The following CNGB1 variants were observed in gnomAD, a reference collection of about 807,000 sequenced individuals.
CNGB1 encodes the protein cyclic nucleotide-gated channel beta-1.
In CNGB1, 126 loss-of-function variants were observed where a neutral mutation model predicts 151.7. The ratio of observed to expected loss-of-function variants is 0.83; its 90% CI spans 0.72 to 0.96. The LOEUF (loss-of-function observed/expected upper bound fraction) is 0.96. CNGB1 is among the 40% of genes least tolerant of loss of function. CNGB1 has a pLI of 0.00. For synonymous variants in CNGB1, 623 were observed against 635.1 expected, an observed-to-expected ratio of 0.98 and a Z score of 0.29; for missense variants, 1,698 against 1,627.0, an observed-to-expected ratio of 1.04 and a Z score of -0.75.
At chr16:57,897,597 A>G in intron 30 of CNGB1, 54 bp from the exon 31 acceptor site, 14 of 1,611,932 alleles carry the variant, frequency 8.7e-6, no homozygotes, top group Non-Finnish European at 1.2e-5. Flanking sequence ...TTTCGGTCAC[A>G]TTCAGATCTT....
At chr16:57,938,791 A>G (rs1961579579) in intron 16 of CNGB1, among the ~76,000 whole-genome samples, 1 of 152,114 alleles carries the variant, frequency 6.6e-6, no homozygotes, top group South Asian at 2.1e-4. Context: ...GTTGGGTCCC[A>G]CCTGTCCCAG....
At chr16:57,954,721 T>C in intron 12 of CNGB1, 2 of 986,560 alleles carry the variant, frequency 2.0e-6, no homozygotes, top group Non-Finnish European at 2.4e-6. Flanking sequence ...AAAACATTTG[T>C]TGCTGCTCAT....
intron 4 of CNGB1, among the ~76,000 whole-genome samples, chr16:57,963,696 C>T (rs1962318396): frequency 6.6e-6 from 1 of 152,172 alleles, no homozygotes; most frequent in South Asian, 2.1e-4. Flanking sequence ...CCCATTGGGC[C>T]TGCATCTCAC....
rs202174131 is a variant in CNGB1, at chr16:57,950,387, A to T, written c.1028T>A (p.Met343Lys). Residue 343 changes from methionine (M) to lysine (K), a missense_variant, in exon 13 of 33, where the codon ATG (methionine) becomes AAG (lysine). Met to Lys is a moderately conservative substitution (Grantham distance 95). Coordinates refer to ENST00000251102, the MANE Select transcript of CNGB1 (RefSeq NM_001297.5). ...YEEENKAVEKMPRELSRIEEE... is the reference protein window; with the variant it reads ...YEEENKAVEKKPRELSRIEEE... ...GTCTTCTCAGACTCCCCACCTGGGC[A>T]TCTTCTCCACAGCTTTGTTCTCTTC... 6.2e-7 allele frequency: 1 copy of T among 1,614,220 alleles called. No homozygotes were observed. Among genetic ancestry groups the T allele is most frequent in the Admixed American group, 1.7e-5 (1 of 60,018 alleles).
chr16:57,959,811 AG>A, intron 10 of CNGB1, 76 bp downstream of exon 10: 1 of 1,406,046 alleles, frequency 7.1e-7, no homozygotes, highest in Non-Finnish European at 9.3e-7. Flanking sequence ...CCAGGTTTCC[AG>A]GAGGTTGGGT....
intron 12 of CNGB1, among the ~76,000 whole-genome samples, chr16:57,955,742 A>G (rs1397236174): frequency 2.6e-5 from 4 of 152,136 alleles, no homozygotes; most frequent in African/African-American, 9.7e-5. Flanking sequence ...AAGGCTGTGT[A>G]GAGACGGAGG....
chr16:57,955,534 C>T (rs1403028250), intron 12 of CNGB1, among the ~76,000 whole-genome samples: 1 of 152,108 alleles, frequency 6.6e-6, no homozygotes, highest in Admixed American at 6.5e-5. Flanking sequence ...AATGGTGTCT[C>T]CCAAAAAGAT....
intron 18 of CNGB1, among the ~76,000 whole-genome samples, chr16:57,922,409 T>TTCTC (rs1163280497): frequency 1.5e-5 from 2 of 136,296 alleles, no homozygotes; most frequent in East Asian, 2.5e-4. Context: ...AGTGGTTTCT[T>TTCTC]TCTCTCTTTC....
In CNGB1 at chr16:57,919,204, C is replaced by G. The variant is rs1372340445; in HGVS notation, c.1852G>C (p.Ala618Pro). ...TAGTGCTCCTCTTCCACTGGCTCGG[C>G]TTCAGCGGGCTTTGTGTCTGGAGCT... The part of the protein sequence containing the change: ...EPAPDTKPAE[A>P]EPVEEEHYCD... Residue 618 changes from alanine (A) to proline (P), a missense_variant, in exon 20 of 33, where the codon GCC becomes CCC. Physicochemically the swap from Ala to Pro is conservative, Grantham distance 27. Coordinates refer to ENST00000251102, the MANE Select transcript of CNGB1 (RefSeq NM_001297.5). The G allele has an allele frequency of 6.2e-7, 1 of 1,614,094 alleles. No homozygotes were observed. The highest frequency in any genetic ancestry group is 8.5e-7 in the Non-Finnish European group (1 of 1,180,040).
intron 26 of CNGB1, among the ~76,000 whole-genome samples, chr16:57,904,404 C>T (rs1236657326): frequency 6.6e-6 from 1 of 152,150 alleles, no homozygotes; most frequent in Non-Finnish European, 1.5e-5. Flanking sequence ...ACTGTCACCT[C>T]ATGTCTCGAC....
At chr16:57,968,262 C>T (rs769622560) in intron 1 of CNGB1, among the ~76,000 whole-genome samples, 26 of 152,168 alleles carry the variant, frequency 1.7e-4, no homozygotes, top group Non-Finnish European at 3.2e-4. Flanking sequence ...CTTTGGGAGG[C>T]TGAGGTGGGT....
At chr16:57,945,981 T>C (rs1175078150) in intron 14 of CNGB1, among the ~76,000 whole-genome samples, 1 of 152,198 alleles carries the variant, frequency 6.6e-6, no homozygotes, top group African/African-American at 2.4e-5. Context: ...GCTGTCAGCA[T>C]CACCGGGGGC....
chr16:57,943,948 C>T (rs945959006), intron 14 of CNGB1, among the ~76,000 whole-genome samples: 2 of 151,692 alleles, frequency 1.3e-5, no homozygotes, highest in Non-Finnish European at 1.5e-5. Flanking sequence ...AGTGCAATGA[C>T]GCGATCTCAG....
intron 25 of CNGB1, among the ~76,000 whole-genome samples, chr16:57,911,479 G>T (rs1960708079): frequency 6.6e-6 from 1 of 151,996 alleles, no homozygotes; most frequent in African/African-American, 2.4e-5. Context: ...AGTAGAGATG[G>T]GGTTTTACCA....
chr16:57,934,940 A>G (rs1961463593), intron 16 of CNGB1, among the ~76,000 whole-genome samples: 1 of 148,452 alleles, frequency 6.7e-6, no homozygotes, highest in Non-Finnish European at 1.5e-5. Context: ...CTGGGTGGCA[A>G]AGCCAGATTC....
intron 25 of CNGB1, among the ~76,000 whole-genome samples, chr16:57,907,152 C>G (rs950620405): frequency 1.5e-4 from 23 of 152,174 alleles, no homozygotes; most frequent in African/African-American, 5.3e-4. Flanking sequence ...GCAGCTCGAG[C>G]TCCTCCCGCA....
chr16:57,904,234 C>T (rs573957062), intron 26 of CNGB1, among the ~76,000 whole-genome samples: 1 of 152,218 alleles, frequency 6.6e-6, no homozygotes, highest in South Asian at 2.1e-4. Context: ...TCCCTGGGAC[C>T]ACACCATGGG....
intron 15 of CNGB1, among the ~76,000 whole-genome samples, chr16:57,939,817 G>A (rs1420316950): frequency 2.0e-5 from 3 of 152,328 alleles, no homozygotes; most frequent in African/African-American, 4.8e-5. Context: ...ACAGCTGGAC[G>A]TGTCACCTGT....
chr16:57,889,034 G>A (rs1960014549), intron 31 of CNGB1, among the ~76,000 whole-genome samples: 1 of 152,198 alleles, frequency 6.6e-6, no homozygotes, highest in South Asian at 2.1e-4. Context: ...CCTTGAGGAT[G>A]GGTGGGGTAC....
Sources: allele counts gnomAD v4.1 joint callset (sites outside exome capture counted in the v4.1 genomes callset), GRCh38; gene constraint gnomAD v4.1.1; transcripts MANE v1.5; gene names NCBI Gene and HGNC (gene_info 2026-07-23, HGNC 2026-07-21).